NAP1L4: variants seen among roughly 807,000 people sequenced by gnomAD.
NAP1L4 encodes the protein nucleosome assembly protein 1-like 4.
Under a neutral mutation model 58.2 loss-of-function variants are expected in NAP1L4, and 15 were observed. The ratio of observed to expected loss-of-function variants is 0.26; its 90% CI spans 0.17 to 0.40. The LOEUF (loss-of-function observed/expected upper bound fraction) is 0.40. Among genes scored for constraint, NAP1L4 ranks in the 10% least tolerant of loss-of-function variants. NAP1L4 has a pLI of 1.00. For synonymous variants in NAP1L4, 171 were observed against 155.6 expected (o/e 1.10, Z -0.74); for missense variants, 384 against 451.1 (o/e 0.85, Z 1.35).
intron 1 of NAP1L4, among the ~76,000 whole-genome samples, chr11:2,980,402 T>A (rs1464677742): frequency 1.3e-5 from 2 of 151,980 alleles, no homozygotes; most frequent in Admixed American, 6.6e-5. Context: ...CCAGGCTGAG[T>A]CCCAAACTCC....
At chr11:2,982,338 C>G (rs990496395) in intron 1 of NAP1L4, among the ~76,000 whole-genome samples, 14 of 152,324 alleles carry the variant, frequency 9.2e-5, no homozygotes, top group African/African-American at 3.4e-4. Flanking sequence ...ATAGCACCTT[C>G]CTTACCCCAC....
Position 2,945,339 on chromosome 11 carries a change from A to G in NAP1L4, c.*340T>C. 7.5e-6 allele frequency: 3 copies of G among 398,172 alleles called. No homozygotes were observed. The highest frequency in any genetic ancestry group is 1.4e-5 in the Non-Finnish European group (3 of 221,562). The allele number at this position is 398,172 out of a possible 1,614,324, so 24.7% of individuals were successfully genotyped here. The stretch of plus-strand genomic sequence containing the variant: ...GGTCTACAGGGCCCTCCCACAGGGA[A>G]AGGCCCAGGGAAGTCCAGAGCTACA... On this transcript the variant is annotated 3_prime_UTR_variant, in exon 16 of 16. Transcript: ENST00000380542.
At chr11:2,987,885 T>C (rs558503913) in intron 1 of NAP1L4, among the ~76,000 whole-genome samples, 1 of 152,130 alleles carries the variant, frequency 6.6e-6, no homozygotes, top group South Asian at 2.1e-4. Flanking sequence ...AGACTCGGGA[T>C]GAGACTGGTT....
At position 2,969,864 on chromosome 11, in the gene NAP1L4, C is replaced by A; in HGVS notation, c.473G>T (p.Gly158Val). 1 of 1,613,910 alleles carries A rather than the reference C, an allele frequency of 6.2e-7. No individual in the cohort carries two copies. The highest frequency in any genetic ancestry group is 1.1e-5 in the South Asian group (1 of 91,006). ...AATAEEPDPK[G>V]IPEFWFTIFR... is the part of the protein sequence containing the mutation. ...GATGGTAAACCAGAACTCTGGAATTCCTTTGGGATCTGGCTCTTCAGCCGT... is the reference window on the plus strand; with the variant it reads ...GATGGTAAACCAGAACTCTGGAATTACTTTGGGATCTGGCTCTTCAGCCGT... The change falls in exon 7 of 16, where the codon GGA becomes GTA. Residue 158 changes from glycine to valine, a missense_variant. Coordinates refer to ENST00000380542, the MANE Select transcript of NAP1L4 (RefSeq NM_005969.4).
rs569712590 is a variant in NAP1L4, at chr11:2,970,121, C to T, written c.403-187G>A. Among the ~76,000 whole-genome samples the T allele has an allele frequency of 3.3e-5, 5 of 152,294 alleles. No individual in the cohort carries two copies. In the East Asian group the frequency reaches 9.6e-4, roughly 29 times the overall value. On this transcript the variant is annotated intron_variant, in intron 6 of 15. Coordinates refer to ENST00000380542, the MANE Select transcript of NAP1L4 (RefSeq NM_005969.4). ...CAGATGCTTCTGAGGAAAAAGCATTCAAGTCATTACATCCACACGGAATTC... is the reference window on the plus strand; with the variant it reads ...CAGATGCTTCTGAGGAAAAAGCATTTAAGTCATTACATCCACACGGAATTC...
chr11:2,952,105 C>A, intron 12 of NAP1L4: 1 of 476,972 alleles, frequency 2.1e-6, no homozygotes, highest in Non-Finnish European at 3.7e-6. Flanking sequence ...CCTGGCTGTT[C>A]TCACACCGAG....
chr11:2,958,324 G>T (rs1406833034), intron 10 of NAP1L4, 75 bp downstream of exon 10: 64 of 1,449,506 alleles, frequency 4.4e-5, no homozygotes, highest in Non-Finnish European at 5.8e-5. Flanking sequence ...AAGTCTCTGG[G>T]TGTTAGGAAT....
chr11:2,989,249 C>T (rs1848816494), intron 1 of NAP1L4: 1 of 152,184 alleles, frequency 6.6e-6, no homozygotes, highest in African/African-American at 2.4e-5. Context: ...GATTTCTACT[C>T]TGGAAGCCTA....
chr11:2,980,439 G>C (rs1848235910), intron 1 of NAP1L4, among the ~76,000 whole-genome samples: 1 of 152,190 alleles, frequency 6.6e-6, no homozygotes, highest in African/African-American at 2.4e-5. Flanking sequence ...TCCCACCTCA[G>C]CCTACCAAAG....
At chr11:2,979,577 G>A (rs940035650) in intron 1 of NAP1L4, among the ~76,000 whole-genome samples, 31 of 151,898 alleles carry the variant, frequency 2.0e-4, no homozygotes, top group African/African-American at 6.5e-4. Flanking sequence ...GTTCGAGACC[G>A]GCCTGACCAA....
chr11:2,960,189 C>T, intron 8 of NAP1L4: 1 of 309,162 alleles, frequency 3.2e-6, no homozygotes, highest in South Asian at 4.8e-5. Flanking sequence ...GAAATCCTAG[C>T]TTCTCTTAGC....
In NAP1L4 at chr11:2,946,339, A is replaced by G. The variant is rs1393104967; in HGVS notation, c.*33-693T>C. Among the ~76,000 whole-genome samples the G allele has an allele frequency of 6.6e-6, 1 of 152,214 alleles. No individual in the cohort carries two copies. The highest frequency in any genetic ancestry group is 1.5e-5 in the Non-Finnish European group (1 of 68,046). On this transcript the variant is annotated intron_variant, in intron 15 of 15. Coordinates refer to ENST00000380542, the MANE Select transcript of NAP1L4 (RefSeq NM_005969.4). This position sits in a 1 kb window ranked among gnomAD's most constrained non-coding sequence, Gnocchi z 4.8. Reference sequence around the variant, plus strand: ...ATCCGGGACACAAAATTCCCCTCCCAGAGGAATGGATTAACTCCAATATTA... The same window carrying G: ...ATCCGGGACACAAAATTCCCCTCCCGGAGGAATGGATTAACTCCAATATTA...
At chr11:2,990,178 G>A (rs1452562046) in intron 1 of NAP1L4, 2 of 151,856 alleles carry the variant, frequency 1.3e-5, no homozygotes, top group Non-Finnish European at 1.5e-5. Context: ...ACATTCTGAA[G>A]CTAACACTGC....
Position 2,954,772 on chromosome 11 carries a change from T to C in NAP1L4, c.916-126A>G, listed in dbSNP as rs1257603486. On this transcript the variant is annotated intron_variant, in intron 11 of 15. Transcript: ENST00000380542. This position sits in a 1 kb window ranked among gnomAD's most constrained non-coding sequence, Gnocchi z 4.8. ...AACTTAAAACACCAAACTCCTGCAC[T>C]GCTGGGGGACAGCCACTAGACACTC... The C allele has an allele frequency of 8.0e-7, 1 of 1,244,220 alleles. No individual in the cohort carries two copies. Among genetic ancestry groups the C allele is most frequent in the Non-Finnish European group, 1.2e-6 (1 of 864,756 alleles). 77.1% of individuals were successfully genotyped at this position (1,244,220 alleles called of 1,614,324 possible). A position where few individuals can be genotyped will look rare whatever the true frequency, so the allele number is the denominator to read the frequency against.
chr11:2,987,337 C>G (rs1256588795), intron 1 of NAP1L4, among the ~76,000 whole-genome samples: 1 of 151,736 alleles, frequency 6.6e-6, no homozygotes, highest in African/African-American at 2.4e-5. Flanking sequence ...GAGTCTCGCT[C>G]TGTCACCCAA....
chr11:2,981,485 T>C (rs368973503), intron 1 of NAP1L4, among the ~76,000 whole-genome samples: 2 of 139,814 alleles, frequency 1.4e-5, no homozygotes, highest in African/African-American at 2.6e-5. Flanking sequence ...CTCACCACCA[T>C]GACCACAGCA....
At chr11:2,988,188 A>T (rs1028128804) in intron 1 of NAP1L4, 1 of 152,208 alleles carries the variant, frequency 6.6e-6, no homozygotes, top group African/African-American at 2.4e-5. Flanking sequence ...ACTACATTTT[A>T]CTTGGGGCGC....
chr11:2,989,660 A>G (rs1848839558), intron 1 of NAP1L4, among the ~76,000 whole-genome samples: 1 of 152,242 alleles, frequency 6.6e-6, no homozygotes, highest in Non-Finnish European at 1.5e-5. Flanking sequence ...AAAACAAAAT[A>G]AAGATTTCAG....
In NAP1L4 at chr11:2,955,883, T is replaced by C; in HGVS notation, c.893-117A>G. 1 of 921,962 alleles carries C rather than the reference T, an allele frequency of 1.1e-6. No homozygotes were observed. Among genetic ancestry groups the C allele is most frequent in the Non-Finnish European group, 1.7e-6 (1 of 600,686 alleles). The allele number at this position is 921,962 out of a possible 1,614,324, so 57.1% of individuals were successfully genotyped here. On this transcript the variant is annotated intron_variant, in intron 10 of 15. Transcript: ENST00000380542. The surrounding 1 kb of genome is among the most constrained non-coding windows in gnomAD (Gnocchi z 4.2). ...AAATGTAACATTTCTCACCTCGAGG[T>C]TTAACAGAAATCCCCAAAGCCTTGC...
Sources: gnomAD v4.1 joint callset for allele counts (sites outside exome capture counted in the v4.1 genomes callset) on GRCh38, gnomAD v4.1.1 for gene constraint, Gnocchi (gnomAD v3.1) non-coding constraint, MANE v1.5 for transcripts, NCBI Gene and HGNC (gene_info 2026-07-23, HGNC 2026-07-21) for gene names.